Variants in MMP26 observed in about 807,000 individuals in gnomAD.
MMP26 encodes the protein matrix metalloproteinase-26.
MMP26 carries 33 observed loss-of-function variants against 31.0 expected under a neutral mutation model. That is an observed-to-expected ratio of 1.06 (90% confidence interval 0.81 to 1.42). The LOEUF is 1.42. Ranked by LOEUF, MMP26 falls within the 40% of genes most tolerant of loss-of-function variation. The pLI, the probability that MMP26 is intolerant of heterozygous loss-of-function variation, is 0.00. For missense variants in MMP26, 347 were observed against 316.1 expected, an observed-to-expected ratio of 1.10 and a Z score of -0.74; for synonymous variants, 122 against 114.9, an observed-to-expected ratio of 1.06 and a Z score of -0.40.
intron 2 of MMP26, among the ~76,000 whole-genome samples, chr11:4,799,487 C>T (rs1416172425): frequency 6.6e-6 from 1 of 152,176 alleles, no homozygotes; most frequent in Non-Finnish European, 1.5e-5. Context: ...CCTCATGATA[C>T]AATTACCTCC....
chr11:4,740,951 T>C (rs1247828615), intron 1 of MMP26, among the ~76,000 whole-genome samples: 2 of 152,244 alleles, frequency 1.3e-5, no homozygotes, highest in South Asian at 2.1e-4. Context: ...TTAGCTTTTG[T>C]TGCAATTGCT....
intron 2 of MMP26, among the ~76,000 whole-genome samples, chr11:4,799,835 C>G (rs999713257): frequency 6.6e-6 from 1 of 152,204 alleles, no homozygotes; most frequent in African/African-American, 2.4e-5. Context: ...CCACACAATT[C>G]TGAAATCCAG....
intron 2 of MMP26, among the ~76,000 whole-genome samples, chr11:4,922,433 T>C (rs888506669): frequency 2.0e-5 from 3 of 152,304 alleles, no homozygotes; most frequent in African/African-American, 7.2e-5. Flanking sequence ...TCTAGATATA[T>C]GTGATAATGT....
chr11:4,924,582 A>G (rs1477502652), intron 2 of MMP26, among the ~76,000 whole-genome samples: 2 of 152,196 alleles, frequency 1.3e-5, no homozygotes, highest in African/African-American at 4.8e-5. Flanking sequence ...GGAACAAAGG[A>G]ACATCTTGGA....
chr11:4,992,190 T>C, intron 7 of MMP26, 24 bp from the exon 8 acceptor site: 2 of 1,439,796 alleles, frequency 1.4e-6, no homozygotes, highest in Non-Finnish European at 9.2e-7. Context: ...AATTTACTGT[T>C]GTTTTTTTTT....
At chr11:4,787,311 G>C (rs113806422) in intron 2 of MMP26, 3 of 152,196 alleles carry the variant, frequency 2.0e-5, no homozygotes, top group African/African-American at 7.2e-5. Context: ...ACCCTGATGC[G>C]CTTAAAGTTG....
At chr11:4,915,655 C>A in intron 2 of MMP26, 1 of 1,611,270 alleles carries the variant, frequency 6.2e-7, no homozygotes, top group South Asian at 1.1e-5. Context: ...CCAGGGATCC[C>A]AGGGTCATTG....
intron 2 of MMP26, among the ~76,000 whole-genome samples, chr11:4,850,788 C>G (rs1225789805): frequency 6.6e-6 from 1 of 151,218 alleles, no homozygotes; most frequent in African/African-American, 2.4e-5. Flanking sequence ...CTTAATCCCA[C>G]AGACTTTTAA....
intron 2 of MMP26, chr11:4,859,467 G>A (rs533113304): frequency 2.9e-6 from 1 of 350,502 alleles, no homozygotes; most frequent in Admixed American, 3.8e-5. Flanking sequence ...ATAATGACCT[G>A]TTATGTATCT....
chr11:4,848,533 C>T, intron 2 of MMP26: 6 of 1,613,166 alleles, frequency 3.7e-6, no homozygotes, highest in Non-Finnish European at 4.2e-6. Context: ...CCAATCAGGC[C>T]ATAGGAGAAG....
At chr11:4,926,538 T>C (rs1851276474) in intron 2 of MMP26, among the ~76,000 whole-genome samples, 1 of 152,206 alleles carries the variant, frequency 6.6e-6, no homozygotes, top group Non-Finnish European at 1.5e-5. Flanking sequence ...TGAAGCTGGT[T>C]TGATTCTATC....
chr11:4,786,497 T>TA (rs768940060), intron 2 of MMP26, among the ~76,000 whole-genome samples: 13,645 of 98,662 alleles, frequency 0.14, 945 homozygotes, highest in Middle Eastern at 0.22. Context: ...CTGATCCTTT[T>TA]TTTTTTTTTT....
intron 2 of MMP26, chr11:4,859,981 C>T (rs147939169): frequency 1.2e-4 from 55 of 470,898 alleles, no homozygotes; most frequent in Non-Finnish European, 1.9e-4. Flanking sequence ...GCTGTTGATG[C>T]GGGTGCTGGC....
At chr11:4,986,905 T>TCTCTCTCTCTC (rs1846899080) in intron 2 of MMP26, among the ~76,000 whole-genome samples, 1 of 48,644 alleles carries the variant, frequency 2.1e-5, no homozygotes, top group Non-Finnish European at 3.9e-5. Flanking sequence ...CTTCCTTCCT[T>TCTCTCTCTCTC]TCTCTCTCTC....
chr11:4,948,670 CT>C (rs1846342964), intron 2 of MMP26, among the ~76,000 whole-genome samples: 1 of 123,272 alleles, frequency 8.1e-6, no homozygotes, highest in African/African-American at 2.7e-5. Context: ...GGAAAAGGCT[CT>C]TGAGGAGAAA....
intron 1 of MMP26, among the ~76,000 whole-genome samples, chr11:4,740,344 C>A (rs560563782): frequency 6.6e-6 from 1 of 151,866 alleles, no homozygotes; most frequent in African/African-American, 2.4e-5. Context: ...TATTAAAAAA[C>A]GGTGGTCATA....
chr11:4,819,693 T>G (rs1161361471), intron 2 of MMP26, among the ~76,000 whole-genome samples: 1 of 148,098 alleles, frequency 6.8e-6, no homozygotes, highest in Non-Finnish European at 1.5e-5. Context: ...TTCTCCTACT[T>G]CAGCTTACCC....
intron 1 of MMP26, among the ~76,000 whole-genome samples, chr11:4,763,604 T>C (rs1345378446): frequency 6.6e-6 from 1 of 152,206 alleles, no homozygotes; most frequent in African/African-American, 2.4e-5. Context: ...TGAGAGTACA[T>C]GCCCTTCAAC....
At chr11:4,887,735 G>C (rs974753150) in intron 2 of MMP26, among the ~76,000 whole-genome samples, 2 of 152,088 alleles carry the variant, frequency 1.3e-5, no homozygotes, top group Non-Finnish European at 1.5e-5. Flanking sequence ...TAGACTACTA[G>C]TCAGATGCAA....
Sources: gnomAD v4.1 joint callset for allele counts (sites outside exome capture counted in the v4.1 genomes callset) on GRCh38, gnomAD v4.1.1 for gene constraint, MANE v1.5 for transcripts, NCBI Gene and HGNC (gene_info 2026-07-23, HGNC 2026-07-21) for gene names.